IMPG1: variants seen among roughly 807,000 people sequenced by gnomAD.
IMPG1 encodes interphotoreceptor matrix proteoglycan of 150 kDa.
A neutral mutation model predicts 92.0 loss-of-function variants in IMPG1; 85 were observed. The ratio of observed to expected loss-of-function variants is 0.92; its 90% CI spans 0.78 to 1.11. The LOEUF (loss-of-function observed/expected upper bound fraction) is 1.11. Ranked by LOEUF, IMPG1 falls within the 50% of genes least tolerant of loss-of-function variation. IMPG1 has a pLI of 0.00. For synonymous variants in IMPG1, 367 were observed against 334.1 expected, an observed-to-expected ratio of 1.10 and a Z score of -1.08; for missense variants, 1,022 against 956.0, an observed-to-expected ratio of 1.07 and a Z score of -0.91.
chr6:75,982,096 T>C (rs1356688839), intron 12 of IMPG1, among the ~76,000 whole-genome samples: 1 of 152,216 alleles, frequency 6.6e-6, no homozygotes, highest in Admixed American at 6.5e-5. Context: ...GAAGAAATCA[T>C]AGCCTAATCA....
At chr6:76,040,227 TA>T (rs1783812110) in intron 2 of IMPG1, among the ~76,000 whole-genome samples, 3 of 152,308 alleles carry the variant, frequency 2.0e-5, no homozygotes, top group African/African-American at 7.2e-5. Context: ...AGAGGCAACC[TA>T]ATCAAGAATA....
rs1191479265 is a variant in IMPG1, at chr6:75,924,706, A to ATATAAT, written c.2244-1001_2244-1000insATTATA. The stretch of plus-strand genomic sequence containing the variant: ...ATATTATATATAAATAATTATATAT[A>ATATAAT]ATATATAATATATAATATAATTATA... On this transcript the variant is annotated intron_variant, in intron 15 of 16. Coordinates refer to ENST00000369950, the MANE Select transcript of IMPG1 (RefSeq NM_001563.4). Among the ~76,000 whole-genome samples the ATATAAT allele has an allele frequency of 7.6e-3, 12 of 1,570 alleles. 4 individuals are homozygous for ATATAAT. Among genetic ancestry groups the ATATAAT allele is most frequent in the African/African-American group, 0.022 (12 of 552 alleles). The allele number at this position is 1,570 out of a possible 152,430, so 1.0% of individuals were successfully genotyped here.
intron 11 of IMPG1, 92 bp from the exon 12 acceptor site, chr6:76,003,088 A>T: frequency 2.3e-6 from 2 of 851,896 alleles, no homozygotes; most frequent in Non-Finnish European, 3.9e-6. Flanking sequence ...TTTTCATTTA[A>T]ATTTAGGCAA....
chr6:76,071,069 C>G (rs1243194915), intron 1 of IMPG1, among the ~76,000 whole-genome samples: 1 of 150,306 alleles, frequency 6.7e-6, no homozygotes, highest in Non-Finnish European at 1.5e-5. Context: ...TCTTGATAAG[C>G]TTATTTCATT....
intron 12 of IMPG1, among the ~76,000 whole-genome samples, chr6:75,992,754 T>C (rs1343692250): frequency 6.6e-6 from 1 of 152,174 alleles, no homozygotes. Flanking sequence ...CTCAGCATTC[T>C]TCCCTGAAAC....
At chr6:76,042,148 C>A in intron 1 of IMPG1, 22 bp from the exon 2 acceptor site, 1 of 1,181,986 alleles carries the variant, frequency 8.5e-7, no homozygotes, top group Non-Finnish European at 1.3e-6. Context: ...AGATTGATAT[C>A]CTGGTGAATA....
intron 1 of IMPG1, among the ~76,000 whole-genome samples, chr6:76,057,116 C>T (rs544859649): frequency 7.2e-5 from 11 of 151,958 alleles, no homozygotes; most frequent in East Asian, 1.9e-4. Context: ...GGATACATGT[C>T]GGGGAACAAC....
intron 1 of IMPG1, among the ~76,000 whole-genome samples, chr6:76,048,460 C>A (rs566216019): frequency 6.6e-6 from 1 of 152,290 alleles, no homozygotes; most frequent in Admixed American, 6.5e-5. Context: ...TCACTGGCTG[C>A]GTCTGTGATC....
chr6:75,982,495 G>A (rs879578434), intron 12 of IMPG1, among the ~76,000 whole-genome samples: 15 of 151,332 alleles, frequency 9.9e-5, no homozygotes, highest in East Asian at 1.9e-4. Flanking sequence ...AGCTGAGATC[G>A]TGCCTGGGTG....
intron 1 of IMPG1, among the ~76,000 whole-genome samples, chr6:76,065,434 T>C (rs565339589): frequency 1.3e-5 from 2 of 151,964 alleles, no homozygotes; most frequent in African/African-American, 4.8e-5. Context: ...ATTGAAGGAA[T>C]TACAAAATGC....
chr6:75,955,919 T>C lies in IMPG1; in HGVS notation c.1292-4825A>G, dbSNP rs567102030. Among the ~76,000 whole-genome samples, 12 of 152,358 alleles carry C rather than the reference T, an allele frequency of 7.9e-5. No individual in the cohort carries two copies. In the East Asian group the frequency reaches 2.1e-3, roughly 27 times the overall value. The stretch of plus-strand genomic sequence containing the variant: ...GGATACGTTTATTGATTTGCGTATG[T>C]TGAACCAGCCTTGCATCCCAGGGAT... On this transcript the variant is annotated intron_variant, in intron 12 of 16. Transcript: ENST00000369950.
chr6:76,021,578 C>A (rs932592237), intron 6 of IMPG1, among the ~76,000 whole-genome samples: 1 of 151,946 alleles, frequency 6.6e-6, no homozygotes, highest in African/African-American at 2.4e-5. Flanking sequence ...CAGTGCTCCT[C>A]TTTGCCTTAG....
chr6:75,947,015 A>T (rs2149455945), intron 14 of IMPG1, among the ~76,000 whole-genome samples: 1 of 152,296 alleles, frequency 6.6e-6, no homozygotes, highest in South Asian at 2.1e-4. Flanking sequence ...CTACATTAAA[A>T]AAAACTCTTA....
At chr6:76,006,774 T>C (rs1027883887) in intron 9 of IMPG1, among the ~76,000 whole-genome samples, 1 of 152,150 alleles carries the variant, frequency 6.6e-6, no homozygotes, top group African/African-American at 2.4e-5. Flanking sequence ...TATTATCCTA[T>C]TCATTAACTC....
chr6:75,931,914 T>C (rs925507628), intron 14 of IMPG1, among the ~76,000 whole-genome samples: 1 of 152,228 alleles, frequency 6.6e-6, no homozygotes, highest in African/African-American at 2.4e-5. Context: ...CTTATCCTTA[T>C]AGAGCTGAGC....
At chr6:75,940,711 T>C (rs1781824869) in intron 14 of IMPG1, among the ~76,000 whole-genome samples, 1 of 152,202 alleles carries the variant, frequency 6.6e-6, no homozygotes, top group South Asian at 2.1e-4. Flanking sequence ...TGGCTTTAAG[T>C]GAACCGGCTC....
intron 14 of IMPG1, among the ~76,000 whole-genome samples, chr6:75,931,992 G>A (rs1448575746): frequency 6.6e-6 from 1 of 152,228 alleles, no homozygotes; most frequent in Non-Finnish European, 1.5e-5. Flanking sequence ...ACCAGAACAG[G>A]CCTCTTGTCA....
intron 1 of IMPG1, among the ~76,000 whole-genome samples, chr6:76,049,262 G>T (rs538280488): frequency 6.6e-6 from 1 of 152,258 alleles, no homozygotes; most frequent in Middle Eastern, 3.4e-3. Context: ...ATAGCTGGGT[G>T]ATGAAATAAT....
Position 76,032,046 on chromosome 6 carries a change from A to G in IMPG1, c.497+2269T>C, listed in dbSNP as rs151323045. 4.6e-5 allele frequency among the ~76,000 whole-genome samples: 7 copies of G among 152,360 alleles called. 1 individual carries two copies. Among genetic ancestry groups the G allele is most frequent in the African/African-American group, 1.7e-4 (7 of 41,592 alleles). ...AAAATTTTGTTTTGTCTTCTTGGAAAGGTTTAAAGTAAAAGATAATTTCTT... is the reference window on the plus strand; with the variant it reads ...AAAATTTTGTTTTGTCTTCTTGGAAGGGTTTAAAGTAAAAGATAATTTCTT... On this transcript the variant is annotated intron_variant, in intron 4 of 16. Coordinates refer to ENST00000369950, the MANE Select transcript of IMPG1 (RefSeq NM_001563.4).
Sources: gnomAD v4.1 joint callset for allele counts (sites outside exome capture counted in the v4.1 genomes callset) on GRCh38, gnomAD v4.1.1 for gene constraint, MANE v1.5 for transcripts, NCBI Gene and HGNC (gene_info 2026-07-23, HGNC 2026-07-21) for gene names.